Variants in CDCA5 observed in about 807,000 individuals in gnomAD.
CDCA5 encodes the protein sororin.
Under a neutral mutation model 25.7 loss-of-function variants are expected in CDCA5, and 14 were observed. That is an observed-to-expected ratio of 0.54 (90% confidence interval 0.36 to 0.85). CDCA5 has a LOEUF of 0.85. Among genes scored for constraint, CDCA5 ranks in the 40% least tolerant of loss-of-function variants. The pLI is 0.01. For synonymous variants in CDCA5, 127 were observed against 128.7 expected (o/e 0.99, Z 0.09); for missense variants, 307 against 324.5 (o/e 0.95, Z 0.41).
At chr11:65,066,814 A>G in exon 5 of CDCA5, 2 of 1,289,378 alleles carry the variant, frequency 1.6e-6, no homozygotes, top group Admixed American at 2.3e-5. Context: ...GGGTCTTACC[A>G]GGTTCTGCAG....
chr11:65,077,243 C>T (rs991089725), downstream of CDCA5, among the ~76,000 whole-genome samples: 1 of 151,978 alleles, frequency 6.6e-6, no homozygotes, highest in African/African-American at 2.4e-5. Flanking sequence ...ACTGAGATCA[C>T]GCCACTGGAC....
Position 65,077,990 on chromosome 11 carries a change from A to C in CDCA5, c.*1117T>G. ...ACACTATTGAATCCACACGATGGAA[A>C]GAAGAGAAAGATGGGGAAATTCTCC... On this transcript the variant is annotated 3_prime_UTR_variant, in exon 6 of 6. Transcript: ENST00000275517. The C allele has an allele frequency of 1.0e-6, 1 of 985,504 alleles. No individual in the cohort carries two copies. Among genetic ancestry groups the C allele is most frequent in the South Asian group, 4.7e-5 (1 of 21,290 alleles). 61.0% of individuals were successfully genotyped at this position (985,504 alleles called of 1,614,324 possible).
chr11:65,063,258 G>A (rs1947202327), downstream of CDCA5, among the ~76,000 whole-genome samples: 1 of 152,220 alleles, frequency 6.6e-6, no homozygotes. Context: ...GTTCCCAAAG[G>A]ATGACGTTGC....
downstream of CDCA5, among the ~76,000 whole-genome samples, chr11:65,066,017 G>A (rs749413908): frequency 7.9e-5 from 12 of 152,072 alleles, no homozygotes; most frequent in Non-Finnish European, 1.6e-4. Flanking sequence ...CAGATCCTCC[G>A]GGGAGGGACT....
intron 6 of CDCA5, chr11:65,066,486 A>G: frequency 7.8e-7 from 1 of 1,288,730 alleles, no homozygotes; most frequent in South Asian, 1.2e-5. Context: ...GCAGGCAGAG[A>G]CAGCTCGAGT....
At chr11:65,072,630 C>T (rs1379099199), downstream of CDCA5, among the ~76,000 whole-genome samples, 1 of 152,174 alleles carries the variant, frequency 6.6e-6, no homozygotes, top group Non-Finnish European at 1.5e-5. Flanking sequence ...AGCCCCTGTC[C>T]CCAGCTCCCA....
intron 1 of CDCA5, among the ~76,000 whole-genome samples, chr11:65,069,622 T>C (rs923721107): frequency 6.6e-6 from 1 of 151,648 alleles, no homozygotes; most frequent in African/African-American, 2.4e-5. Context: ...CGATGGAGAG[T>C]CATGCCTCTG....
chr11:65,078,544 TTCC>T lies in CDCA5; in HGVS notation c.*560_*562del, dbSNP rs1291295402. On this transcript the variant is annotated 3_prime_UTR_variant, in exon 6 of 6. Coordinates refer to ENST00000275517, the MANE Select transcript of CDCA5 (RefSeq NM_080668.4). ...CTCCACAGGCTGAATGTCCAGCTTC[TTCC>T]TCCAAGACAGAATTGCCCTCAGCCC... is the stretch of plus-strand genomic sequence containing the variant. 1 of 985,630 alleles carries T rather than the reference TTCC, an allele frequency of 1.0e-6. No homozygotes were observed. The highest frequency in any genetic ancestry group is 1.2e-6 in the Non-Finnish European group (1 of 830,158). 61.1% of individuals were successfully genotyped at this position (985,630 alleles called of 1,614,324 possible). A position where few individuals can be genotyped will look rare whatever the true frequency, so the allele number is the denominator to read the frequency against.
intron 5 of CDCA5, 34 bp downstream of exon 5, chr11:65,079,319 A>G (rs750531620): frequency 6.2e-7 from 1 of 1,613,792 alleles, no homozygotes; most frequent in South Asian, 1.1e-5. Context: ...CTCCCAGAGC[A>G]CACGGCAGAG....
chr11:65,067,927 G>A (rs1238038032), intron 3 of CDCA5: 11 of 910,032 alleles, frequency 1.2e-5, no homozygotes, highest in Non-Finnish European at 1.7e-5. Flanking sequence ...TCTGGGTGTG[G>A]GGTGGGGAGA....
At position 65,079,123 on chromosome 11, in the gene CDCA5, T is replaced by A. The variant is rs777815769; in HGVS notation, c.743A>T (p.Asp248Val). 3 of 1,519,020 alleles carry A rather than the reference T, an allele frequency of 2.0e-6. No homozygotes were observed. In the African/African-American group the frequency reaches 4.2e-5, roughly 21 times the overall value. 94.1% of individuals were successfully genotyped at this position (1,519,020 alleles called of 1,614,324 possible). A position where few individuals can be genotyped will look rare whatever the true frequency, so the allele number is the denominator to read the frequency against. The change falls in exon 6 of 6, where the codon GAT (aspartate) becomes GTT (valine). Residue 248 changes from aspartate (D) to valine (V), a missense_variant. Asp to Val is a radical substitution (Grantham distance 152). Coordinates refer to ENST00000275517, the MANE Select transcript of CDCA5 (RefSeq NM_080668.4). Reference sequence around the variant, plus strand: ...CACTGCATCTCATTCAACCAGGAGATCAAACTGCTCAGCAGCTTCAAACTC... The same window carrying A: ...CACTGCATCTCATTCAACCAGGAGAACAAACTGCTCAGCAGCTTCAAACTC... ...NAEFEAAEQF[D>V]LLVE
chr11:65,072,938 CTTT>C (rs751923442), downstream of CDCA5, among the ~76,000 whole-genome samples: 4 of 99,960 alleles, frequency 4.0e-5, no homozygotes, highest in African/African-American at 8.0e-5. Flanking sequence ...TTATTTCATT[CTTT>C]TTTTTTTTTT....
At position 65,079,388 on chromosome 11, in the gene CDCA5, G is replaced by C. The variant is rs1229047999; in HGVS notation, c.643C>G (p.Gln215Glu). 1.2e-6 allele frequency: 2 copies of C among 1,613,940 alleles called. No homozygotes were observed. Among genetic ancestry groups the C allele is most frequent in the Non-Finnish European group, 1.7e-6 (2 of 1,180,012 alleles). ...LPGISPPPEK[Q>E]KRKKKKMPEI... ...GGCATTTTCTTCTTCTTACGTTTCT[G>C]TTTCTCGGGTGGTGGGGAGATTCCA... The change falls in exon 5 of 6, where the codon CAG becomes GAG. Residue 215 changes from glutamine (Q) to glutamate (E), a missense_variant. By Grantham distance (29) the Gln-to-Glu change is conservative. Transcript: ENST00000275517.
chr11:65,077,389 G>T, downstream of CDCA5: 1 of 859,402 alleles, frequency 1.2e-6, no homozygotes, highest in Non-Finnish European at 1.4e-6. Context: ...CAGTGATGCA[G>T]CCCACTGGAG....
chr11:65,073,398 T>C (rs527498472), downstream of CDCA5, among the ~76,000 whole-genome samples: 4 of 152,332 alleles, frequency 2.6e-5, no homozygotes, highest in African/African-American at 4.8e-5. Flanking sequence ...CCCAGTTGGA[T>C]TGCAGAACCT....
At chr11:65,067,672 C>T (rs1481212905) in exon 4 of CDCA5, 2 of 1,289,766 alleles carry the variant, frequency 1.6e-6, no homozygotes, top group Non-Finnish European at 2.0e-6. Context: ...AGTCATTCTG[C>T]AACTGCCTGA....
chr11:65,066,423 G>A (rs1401920670), exon 7 of CDCA5: 2 of 1,257,758 alleles, frequency 1.6e-6, no homozygotes, highest in Admixed American at 4.8e-5. Flanking sequence ...GTGGTCGTGG[G>A]GCAGGTCAGG....
chr11:65,081,946 G>A (rs887297207), intron 4 of CDCA5, among the ~76,000 whole-genome samples: 2 of 152,170 alleles, frequency 1.3e-5, no homozygotes, highest in African/African-American at 4.8e-5. Context: ...GGCAGAACAA[G>A]ACCCTATCTT....
chr11:65,067,009 C>T (rs1947251734), intron 4 of CDCA5: 2 of 534,840 alleles, frequency 3.7e-6, no homozygotes, highest in South Asian at 1.6e-5. Context: ...TCAGTAAGAG[C>T]CCAGTCTTCC....
Sources: allele counts gnomAD v4.1 joint callset (sites outside exome capture counted in the v4.1 genomes callset), GRCh38; gene constraint gnomAD v4.1.1; transcripts MANE v1.5; gene names NCBI Gene and HGNC (gene_info 2026-07-23, HGNC 2026-07-21).